KLHDC4: variants seen among roughly 807,000 people sequenced by gnomAD.
KLHDC4 encodes the protein kelch domain containing 4.
Under a neutral mutation model 62.4 loss-of-function variants are expected in KLHDC4, and 90 were observed. That is an observed-to-expected ratio of 1.44 (90% CI 1.22 to 1.72). The LOEUF (loss-of-function observed/expected upper bound fraction) is 1.72, where lower values mean the gene tolerates loss of function less well. Among genes scored for constraint, KLHDC4 ranks in the 40% most tolerant of loss-of-function variants. The pLI is 0.00. For missense variants in KLHDC4, 1,025 were observed against 699.7 expected, an observed-to-expected ratio of 1.47 and a Z score of -5.25; for synonymous variants, 386 against 284.4, an observed-to-expected ratio of 1.36 and a Z score of -3.59.
intron 6 of KLHDC4, among the ~76,000 whole-genome samples, chr16:87,727,343 CATTAGGTT>C (rs2039550566): frequency 6.6e-6 from 1 of 152,150 alleles, no homozygotes; most frequent in Non-Finnish European, 1.5e-5. Flanking sequence ...GAGACAATTC[CATTAGGTT>C]ATTAGGTGTG....
chr16:87,727,090 G>C (rs867742044), intron 6 of KLHDC4, among the ~76,000 whole-genome samples, 166 bp from the exon 7 acceptor site: 1 of 152,116 alleles, frequency 6.6e-6, no homozygotes, highest in South Asian at 2.1e-4. Flanking sequence ...ACACAGAAAC[G>C]TGGCCGCTTT....
intron 7 of KLHDC4, among the ~76,000 whole-genome samples, chr16:87,720,517 A>G (rs936242645): frequency 1.3e-5 from 2 of 152,088 alleles, no homozygotes; most frequent in Non-Finnish European, 2.9e-5. Flanking sequence ...CCACACAACC[A>G]CAGGTGATGA....
intron 5 of KLHDC4, among the ~76,000 whole-genome samples, chr16:87,736,573 G>C (rs1274601774): frequency 1.3e-5 from 2 of 152,152 alleles, no homozygotes; most frequent in African/African-American, 4.8e-5. Flanking sequence ...ACTTCGCCCT[G>C]CTTTTCCGAG....
intron 4 of KLHDC4, among the ~76,000 whole-genome samples, chr16:87,753,970 C>CAA (rs71230728): frequency 3.8e-4 from 24 of 63,244 alleles, no homozygotes; most frequent in African/African-American, 6.8e-4. Flanking sequence ...GACACCATCT[C>CAA]AAAAAAAAAA....
chr16:87,710,053 G>T lies in KLHDC4; in HGVS notation c.1045-386C>A, dbSNP rs572730301. 3 of 194,222 alleles carry T rather than the reference G, an allele frequency of 1.5e-5. No homozygotes were observed. In the South Asian group the frequency reaches 4.6e-4, roughly 30 times the overall value. The allele number at this position is 194,222 out of a possible 1,614,324, so 12.0% of individuals were successfully genotyped here. A position where few individuals can be genotyped will look rare whatever the true frequency, so the allele number is the denominator to read the frequency against. On this transcript the variant is annotated intron_variant, in intron 9 of 11. Transcript: ENST00000270583. Reference sequence around the variant, plus strand: ...CACAGTGCTGGCTCCCAGAAGGGCTGGGGAAGCCAGGCTGAGGGGCTTCCT... The same window carrying T: ...CACAGTGCTGGCTCCCAGAAGGGCTTGGGAAGCCAGGCTGAGGGGCTTCCT...
At chr16:87,764,606 C>A (rs1167854120) in intron 1 of KLHDC4, among the ~76,000 whole-genome samples, 1 of 134,466 alleles carries the variant, frequency 7.4e-6, no homozygotes, top group Non-Finnish European at 1.5e-5. Context: ...TGAGATCGCA[C>A]CATTGCACTC....
At chr16:87,702,499 G>C in exon 1 of KLHDC4, 2 of 358,114 alleles carry the variant, frequency 5.6e-6, no homozygotes, top group Non-Finnish European at 1.1e-5. Context: ...TTCTCCGGCA[G>C]CAACTTCCCA....
chr16:87,719,477 G>T (rs143401043), intron 7 of KLHDC4, among the ~76,000 whole-genome samples: 2 of 152,088 alleles, frequency 1.3e-5, no homozygotes, highest in African/African-American at 4.8e-5. Context: ...CAGCATACTC[G>T]TTAAGAGTCA....
At chr16:87,714,297 A>G (rs1178409629) in intron 8 of KLHDC4, 2 of 785,540 alleles carry the variant, frequency 2.5e-6, no homozygotes, top group Non-Finnish European at 3.1e-6. Flanking sequence ...AATGCCCCCA[A>G]AGGTGATTGC....
chr16:87,720,761 A>G (rs2038131156), intron 7 of KLHDC4, among the ~76,000 whole-genome samples: 1 of 152,216 alleles, frequency 6.6e-6, no homozygotes, highest in Admixed American at 6.5e-5. Context: ...ACTTCTAGTC[A>G]GCTTCCTTTT....
intron 5 of KLHDC4, among the ~76,000 whole-genome samples, chr16:87,745,676 A>G (rs2042932154): frequency 6.6e-6 from 1 of 152,222 alleles, no homozygotes; most frequent in Admixed American, 6.5e-5. Context: ...AAGGTCTTCA[A>G]GACGACATTG....
At position 87,718,284 on chromosome 16, in the gene KLHDC4, G is replaced by GCTCTCC. The variant is rs201899900; in HGVS notation, c.760-3717_760-3712dup. Among the ~76,000 whole-genome samples the GCTCTCC allele has an allele frequency of 2.0e-3, 257 of 128,832 alleles. 4 individuals carry two copies. Among genetic ancestry groups the GCTCTCC allele is most frequent in the African/African-American group, 5.5e-3 (187 of 33,694 alleles). The allele number at this position is 128,832 out of a possible 152,430, so 84.5% of individuals were successfully genotyped here. A position where few individuals can be genotyped will look rare whatever the true frequency, so the allele number is the denominator to read the frequency against. On this transcript the variant is annotated intron_variant, in intron 7 of 11. Transcript: ENST00000270583. Reference sequence around the variant, plus strand: ...TTTCCACAAAAACCGATTCGCTCTCGCTCTCCCTCTCCCTCTCCCTCCCCC... The same window carrying GCTCTCC: ...TTTCCACAAAAACCGATTCGCTCTCGCTCTCCCTCTCCCTCTCCCTCTCCCTCCCCC...
intron 8 of KLHDC4, among the ~76,000 whole-genome samples, chr16:87,712,641 G>A (rs563111419): frequency 6.6e-6 from 1 of 152,262 alleles, no homozygotes; most frequent in Non-Finnish European, 1.5e-5. Context: ...TATCAGCCAG[G>A]GTGCAGTAAG....
At chr16:87,700,700 AGGTTGGAGGG>A (rs2034101713) in exon 1 of KLHDC4, 1 of 157,466 alleles carries the variant, frequency 6.4e-6, no homozygotes, top group Non-Finnish European at 1.1e-5. Flanking sequence ...CGGAGGGAGG[AGGTTGGAGGG>A]CGGAGGGAGG....
chr16:87,761,140 T>A (rs762685357), intron 2 of KLHDC4, among the ~76,000 whole-genome samples: 142 of 152,136 alleles, frequency 9.3e-4, no homozygotes, highest in Non-Finnish European at 4.0e-4. Flanking sequence ...GGACATGAAG[T>A]GAAAACCAGG....
intron 2 of KLHDC4, among the ~76,000 whole-genome samples, chr16:87,760,315 A>T (rs1431210142): frequency 1.3e-5 from 2 of 151,498 alleles, no homozygotes; most frequent in Non-Finnish European, 2.9e-5. Flanking sequence ...CATAAAAAAA[A>T]GTCTCTACAG....
chr16:87,745,612 T>C (rs1306585300), intron 5 of KLHDC4, among the ~76,000 whole-genome samples: 2 of 152,234 alleles, frequency 1.3e-5, no homozygotes, highest in Non-Finnish European at 2.9e-5. Flanking sequence ...TTGGAGCTGG[T>C]ACACAACAGA....
intron 5 of KLHDC4, among the ~76,000 whole-genome samples, chr16:87,741,225 C>G (rs1019749033): frequency 6.6e-6 from 1 of 152,214 alleles, no homozygotes; most frequent in Non-Finnish European, 1.5e-5. Context: ...TACAAAAACA[C>G]CCGCCAGCCA....
chr16:87,757,683 A>C (rs1021474016), intron 2 of KLHDC4, among the ~76,000 whole-genome samples: 2 of 152,002 alleles, frequency 1.3e-5, no homozygotes, highest in Non-Finnish European at 2.9e-5. Flanking sequence ...TGAGGTGAGG[A>C]GTTCAAGACC....
Sources: allele counts gnomAD v4.1 joint callset (sites outside exome capture counted in the v4.1 genomes callset), GRCh38; gene constraint gnomAD v4.1.1; transcripts MANE v1.5; gene names NCBI Gene and HGNC (gene_info 2026-07-23, HGNC 2026-07-21).